SHISA6: variants seen among roughly 807,000 people sequenced by gnomAD.
SHISA6 encodes the protein protein shisa-6.
SHISA6 carries 22 observed loss-of-function variants against 47.9 expected under a neutral mutation model. The observed-to-expected ratio is 0.46, with a 90% CI of 0.33 to 0.66. The LOEUF is 0.66. SHISA6 is among the 30% of genes least tolerant of loss of function. The pLI is 0.02. For synonymous variants in SHISA6, 388 were observed against 337.8 expected, an observed-to-expected ratio of 1.15 and a Z score of -1.63; for missense variants, 680 against 764.6, an observed-to-expected ratio of 0.89 and a Z score of 1.30.
At chr17:11,420,639 C>T (rs1041045572) in intron 3 of SHISA6, among the ~76,000 whole-genome samples, 1 of 152,136 alleles carries the variant, frequency 6.6e-6, no homozygotes, top group Non-Finnish European at 1.5e-5. Flanking sequence ...TGTAACACGC[C>T]ACAGGAAGGG....
At chr17:11,355,597 C>T (rs1597473116) in intron 2 of SHISA6, among the ~76,000 whole-genome samples, 1 of 152,194 alleles carries the variant, frequency 6.6e-6, no homozygotes, top group Admixed American at 6.5e-5. Context: ...CAGAACAAAA[C>T]AACTGCCAAA....
intron 2 of SHISA6, among the ~76,000 whole-genome samples, chr17:11,290,975 T>A (rs1053234345): frequency 1.1e-4 from 16 of 151,408 alleles, no homozygotes; most frequent in Non-Finnish European, 2.2e-4. Context: ...CCATTTATTA[T>A]TAATTTAATA....
chr17:11,503,699 C>T (rs950595008), intron 3 of SHISA6, among the ~76,000 whole-genome samples: 5 of 152,292 alleles, frequency 3.3e-5, no homozygotes, highest in Middle Eastern at 3.4e-3. Flanking sequence ...ATATTGTTGT[C>T]GTCAAATGTA....
intron 1 of SHISA6, among the ~76,000 whole-genome samples, 164 bp from the exon 2 acceptor site, chr17:11,263,202 C>G (rs922624884): frequency 1.1e-4 from 16 of 152,114 alleles, no homozygotes; most frequent in African/African-American, 2.2e-4. Flanking sequence ...CTGTGTCCCC[C>G]CTGAGACCAA....
intron 1 of SHISA6, among the ~76,000 whole-genome samples, chr17:11,244,416 T>C (rs1907495940): frequency 6.6e-6 from 1 of 152,108 alleles, no homozygotes; most frequent in Admixed American, 6.5e-5. Flanking sequence ...AAACTTATTT[T>C]TCAGTTCTGG....
intron 3 of SHISA6, among the ~76,000 whole-genome samples, chr17:11,454,156 C>A (rs1915472488): frequency 6.6e-6 from 1 of 152,176 alleles, no homozygotes; most frequent in South Asian, 2.1e-4. Flanking sequence ...GGCAATCATT[C>A]TTTATCGCTG....
intron 2 of SHISA6, among the ~76,000 whole-genome samples, chr17:11,271,725 G>A (rs1048324962): frequency 6.6e-6 from 1 of 151,068 alleles, no homozygotes; most frequent in African/African-American, 2.5e-5. Flanking sequence ...CTCCCAAAGT[G>A]CTGGGATTAC....
intron 2 of SHISA6, among the ~76,000 whole-genome samples, chr17:11,277,280 T>TCTCTCTCTCTCTCCCACACA (rs1386997909): frequency 1.9e-5 from 1 of 53,864 alleles, no homozygotes. Context: ...TCTCTCTCTC[T>TCTCTCTCTCTCTCCCACACA]CACACACACA....
intron 3 of SHISA6, among the ~76,000 whole-genome samples, chr17:11,449,240 G>A (rs909130317): frequency 1.3e-5 from 2 of 151,950 alleles, no homozygotes; most frequent in African/African-American, 2.4e-5. Flanking sequence ...TCAGGAGTTC[G>A]AGACCAGCCT....
At chr17:11,487,481 C>T (rs1448768498) in intron 3 of SHISA6, among the ~76,000 whole-genome samples, 1 of 152,134 alleles carries the variant, frequency 6.6e-6, no homozygotes, top group Non-Finnish European at 1.5e-5. Flanking sequence ...GGACAAGAGT[C>T]AGACCTGCTG....
intron 3 of SHISA6, among the ~76,000 whole-genome samples, chr17:11,446,091 G>A (rs577894800): frequency 4.6e-5 from 7 of 152,176 alleles, no homozygotes; most frequent in African/African-American, 7.2e-5. Context: ...CTCCCAAAGC[G>A]CTGGGATTAC....
chr17:11,248,606 C>T (rs796443471), intron 1 of SHISA6, among the ~76,000 whole-genome samples: 17 of 152,288 alleles, frequency 1.1e-4, no homozygotes, highest in African/African-American at 3.6e-4. Context: ...CGTTTCTGTA[C>T]CCCTCCTGGT....
chr17:11,511,246 G>T (rs550056975), intron 3 of SHISA6, among the ~76,000 whole-genome samples: 1 of 152,160 alleles, frequency 6.6e-6, no homozygotes, highest in South Asian at 2.1e-4. Flanking sequence ...GAGAACACAT[G>T]GACACAGGGA....
intron 2 of SHISA6, among the ~76,000 whole-genome samples, chr17:11,305,586 G>C (rs987058095): frequency 1.3e-5 from 2 of 152,230 alleles, no homozygotes; most frequent in Non-Finnish European, 2.9e-5. Flanking sequence ...ATTCAAACAT[G>C]CATCAAGAAA....
Position 11,241,473 on chromosome 17 carries a change from G to C in SHISA6, c.51G>C (p.Leu17=). The C allele has an allele frequency of 8.4e-7, 1 of 1,197,360 alleles. No homozygotes were observed. Among genetic ancestry groups the C allele is most frequent in the African/African-American group, 1.6e-5 (1 of 60,990 alleles). The allele number at this position is 1,197,360 out of a possible 1,614,324, so 74.2% of individuals were successfully genotyped here. Residue 17 remains leucine (L), a synonymous_variant, in exon 1 of 6, where the codon CTG becomes CTC. Transcript: ENST00000441885. This position sits in a 1 kb window ranked among gnomAD's most constrained non-coding sequence, Gnocchi z 5.5. ...LLLLLLSLES[L]DLLPSVHGAR... The stretch of plus-strand genomic sequence containing the variant: ...TGCTGCTGCTCTCGCTGGAGTCCCT[G>C]GACCTGCTGCCCAGCGTCCACGGAG...
At chr17:11,411,113 C>T (rs1215895737) in intron 3 of SHISA6, among the ~76,000 whole-genome samples, 3 of 151,594 alleles carry the variant, frequency 2.0e-5, no homozygotes, top group South Asian at 2.1e-4. Flanking sequence ...GGACTACAGG[C>T]GCCTGCCGCC....
intron 3 of SHISA6, among the ~76,000 whole-genome samples, chr17:11,506,084 T>C (rs2071496463): frequency 6.6e-6 from 1 of 152,136 alleles, no homozygotes; most frequent in African/African-American, 2.4e-5. Context: ...TAGGGAACAA[T>C]GCATATCCAC....
chr17:11,554,457 C>T (rs1362245112), intron 4 of SHISA6, among the ~76,000 whole-genome samples: 1 of 152,082 alleles, frequency 6.6e-6, no homozygotes, highest in Non-Finnish European at 1.5e-5. Flanking sequence ...TTGGACAATG[C>T]CTAGGAGGGC....
At chr17:11,380,856 A>G (rs1482877342) in intron 3 of SHISA6, among the ~76,000 whole-genome samples, 1 of 152,098 alleles carries the variant, frequency 6.6e-6, no homozygotes, top group Non-Finnish European at 1.5e-5. Flanking sequence ...GGATGTTGGC[A>G]AGAAGCTTCA....
Sources: gnomAD v4.1 joint callset for allele counts (sites outside exome capture counted in the v4.1 genomes callset) on GRCh38, gnomAD v4.1.1 for gene constraint, Gnocchi (gnomAD v3.1) non-coding constraint, MANE v1.5 for transcripts, NCBI Gene and HGNC (gene_info 2026-07-23, HGNC 2026-07-21) for gene names.